COL27A1: variants seen among roughly 807,000 people sequenced by gnomAD.
COL27A1 encodes collagen alpha-1(XXVII) chain.
In COL27A1, 106 loss-of-function variants were observed where a neutral mutation model predicts 251.3. The observed-to-expected ratio is 0.42, with a 90% confidence interval of 0.36 to 0.50. COL27A1 has a LOEUF of 0.50. Ranked by LOEUF, COL27A1 falls within the 20% of genes least tolerant of loss-of-function variation. The pLI is 0.00. For synonymous variants in COL27A1, 1,000 were observed against 986.3 expected (o/e 1.01, Z -0.26); for missense variants, 2,325 against 2,522.8 (o/e 0.92, Z 1.68).
intron 14 of COL27A1, among the ~76,000 whole-genome samples, chr9:114,227,211 C>T (rs12238466): frequency 6.6e-6 from 1 of 152,032 alleles, no homozygotes; most frequent in Non-Finnish European, 1.5e-5. Context: ...GGTCCACTGG[C>T]TGGCAGTCAG....
rs376363488 is a variant in COL27A1 at position 114,249,967 on chromosome 9, G to A, written c.2980-648G>A. Among the ~76,000 whole-genome samples the A allele has an allele frequency of 9.8e-4, 150 of 152,288 alleles. 1 individual carries two copies. The South Asian group carries it at 0.014, about 15-fold the overall frequency. On this transcript the variant is annotated intron_variant, in intron 24 of 60. Coordinates refer to ENST00000356083, the MANE Select transcript of COL27A1 (RefSeq NM_032888.4). ...TCTAGGCTGTCCACCCTCGCTGCGC[G>A]TGTGCGTGTTTGCTTGCTCAGGGAG...
chr9:114,246,016 A>C, intron 24 of COL27A1, 106 bp downstream of exon 24: 412 of 951,054 alleles, frequency 4.3e-4, no homozygotes, highest in Non-Finnish European at 6.1e-4. Context: ...TGTAATTCTC[A>C]GAACAACTCC....
intron 60 of COL27A1, 27 bp downstream of exon 60, chr9:114,309,505 C>T: frequency 6.3e-7 from 1 of 1,574,830 alleles, no homozygotes; most frequent in Non-Finnish European, 8.7e-7. Flanking sequence ...CTCCTAGGCC[C>T]TTCATGTGGG....
At chr9:114,267,443 C>A (rs966287271) in intron 33 of COL27A1, 61 bp from the exon 34 acceptor site, 1 of 1,478,606 alleles carries the variant, frequency 6.8e-7, no homozygotes, top group Non-Finnish European at 9.3e-7. Context: ...TCAGTTACCC[C>A]CTTGCTTACA....
At chr9:114,156,769 C>T (rs958354149) in intron 1 of COL27A1, among the ~76,000 whole-genome samples, 10 of 152,112 alleles carry the variant, frequency 6.6e-5, no homozygotes, top group Non-Finnish European at 1.2e-4. Flanking sequence ...GGCCCAGAGG[C>T]TGGGATTCCC....
At chr9:114,165,681 C>CATCCA (rs1554785845) in intron 2 of COL27A1, among the ~76,000 whole-genome samples, 3 of 144,508 alleles carry the variant, frequency 2.1e-5, no homozygotes, top group African/African-American at 7.8e-5. Context: ...TCCATCCATC[C>CATCCA]ATCTACCCTT....
At chr9:114,280,324 C>T (rs1835825327) in intron 37 of COL27A1, among the ~76,000 whole-genome samples, 2 of 151,970 alleles carry the variant, frequency 1.3e-5, no homozygotes, top group Admixed American at 6.6e-5. Context: ...TGCCTCGGCA[C>T]TCCCAGGTAG....
At chr9:114,181,495 A>G (rs979495854) in intron 4 of COL27A1, among the ~76,000 whole-genome samples, 1 of 152,142 alleles carries the variant, frequency 6.6e-6, no homozygotes, top group African/African-American at 2.4e-5. Context: ...GTTCACACAC[A>G]GTTAGCCCGA....
intron 27 of COL27A1, among the ~76,000 whole-genome samples, chr9:114,257,429 G>A (rs10982125): frequency 1.1e-4 from 16 of 152,098 alleles, no homozygotes; most frequent in South Asian, 2.1e-4. Context: ...TGTTCCCTCC[G>A]TTCCCACCCT....
chr9:114,308,099 A>G (rs1403236830), intron 59 of COL27A1, among the ~76,000 whole-genome samples: 1 of 152,012 alleles, frequency 6.6e-6, no homozygotes, highest in East Asian at 1.9e-4. Context: ...AGCATGAAAT[A>G]AAAGAGAAAA....
intron 4 of COL27A1, among the ~76,000 whole-genome samples, chr9:114,179,662 G>A (rs1377985363): frequency 1.3e-5 from 2 of 152,162 alleles, no homozygotes; most frequent in Non-Finnish European, 2.9e-5. Context: ...ACATGTGCAG[G>A]ATCTCATTCC....
rs772075151 is a variant in COL27A1 at position 114,265,076 on chromosome 9, G to C, written c.3305G>C (p.Gly1102Ala). The C allele has an allele frequency of 6.2e-7, 1 of 1,612,586 alleles. No individual in the cohort carries two copies. Among genetic ancestry groups the C allele is most frequent in the South Asian group, 1.1e-5 (1 of 91,046 alleles). ...PGRPGQQGVA[G>A]ERGHLGSRGF... is the part of the protein sequence containing the mutation. ...CACATGTGCTTCCAGGGTGTGGCTG[G>C]TGAGCGAGGCCACTTGGGCTCGAGA... Residue 1102 changes from glycine (G) to alanine (A), a missense_variant, in exon 31 of 61, where the codon GGT becomes GCT. By Grantham distance (60) the Gly-to-Ala change is moderately conservative (BLOSUM62 0). Coordinates refer to ENST00000356083, the MANE Select transcript of COL27A1 (RefSeq NM_032888.4).
intron 2 of COL27A1, 39 bp from the exon 3 acceptor site, chr9:114,167,650 G>A (rs1421279092): frequency 3.9e-6 from 6 of 1,551,742 alleles, no homozygotes; most frequent in Non-Finnish European, 5.3e-6. Context: ...GCTGGAGCAG[G>A]CCCTGACTGC....
At chr9:114,247,415 AT>A (rs1187679694) in intron 24 of COL27A1, among the ~76,000 whole-genome samples, 1 of 152,170 alleles carries the variant, frequency 6.6e-6, no homozygotes, top group Admixed American at 6.5e-5. Flanking sequence ...AAGAGTTTTA[AT>A]TTTTTTCCAT....
chr9:114,175,137 G>C lies in COL27A1; in HGVS notation c.1909-3154G>C, dbSNP rs555826543. Reference sequence around the variant, plus strand: ...CTGGCTGTCAGAGGCCAGGACCCTTGGGGGAAGCCCCGAGGGGTCTGCTTG... The same window carrying C: ...CTGGCTGTCAGAGGCCAGGACCCTTCGGGGAAGCCCCGAGGGGTCTGCTTG... On this transcript the variant is annotated intron_variant, in intron 3 of 60. Transcript: ENST00000356083. 7.3e-5 allele frequency among the ~76,000 whole-genome samples: 4 copies of C among 54,708 alleles called. No homozygotes were observed. The South Asian group carries it at 3.0e-3, about 41-fold the overall frequency. The allele number at this position is 54,708 out of a possible 152,430, so 35.9% of individuals were successfully genotyped here. A position where few individuals can be genotyped will look rare whatever the true frequency, so the allele number is the denominator to read the frequency against.
At chr9:114,304,504 C>A in intron 56 of COL27A1, 104 bp from the exon 57 acceptor site, 1 of 1,036,504 alleles carries the variant, frequency 9.6e-7, no homozygotes, top group Middle Eastern at 2.2e-4. Flanking sequence ...GGGCATATGA[C>A]TTGGCCAAGA....
chr9:114,283,978 G>C (rs137998538), intron 40 of COL27A1, among the ~76,000 whole-genome samples: 108 of 152,352 alleles, frequency 7.1e-4, no homozygotes, highest in African/African-American at 2.3e-3. Context: ...GGCTGCCAGA[G>C]CGAAATGTGC....
At chr9:114,161,762 C>G (rs1392879308) in intron 1 of COL27A1, among the ~76,000 whole-genome samples, 2 of 152,242 alleles carry the variant, frequency 1.3e-5, no homozygotes, top group Admixed American at 6.5e-5. Context: ...TCGGGTGTCA[C>G]TGGTGGCTGC....
rs1199488790 is a variant in COL27A1 at position 114,168,914 on chromosome 9, C to G, written c.1359C>G (p.Pro453=). Residue 453 remains proline (P), a synonymous_variant, in exon 3 of 61, where the codon CCC becomes CCG. Transcript: ENST00000356083. ...LPPTTSSSKK[P]IPTLARTEAK... is the part of the protein sequence containing the mutation. ...CTACCACCAGCTCCTCTAAAAAACCCATTCCCACACTAGCTCGGACTGAGG... is the reference window on the plus strand; with the variant it reads ...CTACCACCAGCTCCTCTAAAAAACCGATTCCCACACTAGCTCGGACTGAGG... The G allele has an allele frequency of 6.2e-7, 1 of 1,613,948 alleles. No homozygotes were observed. Among genetic ancestry groups the G allele is most frequent in the Non-Finnish European group, 8.5e-7 (1 of 1,180,010 alleles).
Sources: allele counts gnomAD v4.1 joint callset (sites outside exome capture counted in the v4.1 genomes callset), GRCh38; gene constraint gnomAD v4.1.1; transcripts MANE v1.5; gene names NCBI Gene and HGNC (gene_info 2026-07-23, HGNC 2026-07-21).